ATP11A: variants seen among roughly 807,000 people sequenced by gnomAD.
ATP11A encodes ATPase phospholipid transporting 11A.
Under a neutral mutation model 154.4 loss-of-function variants are expected in ATP11A, and 81 were observed. That is an observed-to-expected ratio of 0.52 (90% CI 0.44 to 0.63). ATP11A has a LOEUF of 0.63. Ranked by LOEUF, ATP11A falls within the 30% of genes least tolerant of loss-of-function variation. The probability of loss-of-function intolerance (pLI) is 0.00; values close to 1 mark genes in which losing one functional copy is unlikely to be tolerated. For synonymous variants in ATP11A, 623 were observed against 585.9 expected (o/e 1.06, Z -0.91); for missense variants, 1,316 against 1,474.3 (o/e 0.89, Z 1.76).
At chr13:112,874,933 G>A (rs907028970) in intron 27 of ATP11A, among the ~76,000 whole-genome samples, 12 of 152,176 alleles carry the variant, frequency 7.9e-5, no homozygotes, top group African/African-American at 2.9e-4. Flanking sequence ...GTCAGCCTTG[G>A]TAGAACCACA....
At chr13:112,823,459 T>C (rs1252821832) in intron 9 of ATP11A, 50 bp downstream of exon 9, 1 of 1,488,234 alleles carries the variant, frequency 6.7e-7, no homozygotes, top group African/African-American at 1.4e-5. Flanking sequence ...TAAGGATGCA[T>C]GAAGCAAAAG....
At chr13:112,749,914 C>T (rs562522712) in intron 1 of ATP11A, among the ~76,000 whole-genome samples, 15 of 126,596 alleles carry the variant, frequency 1.2e-4, no homozygotes, top group Admixed American at 7.0e-4. Context: ...TTCAGCCTCT[C>T]GTGAATTTCT....
intron 1 of ATP11A, among the ~76,000 whole-genome samples, chr13:112,749,081 G>A (rs1161403261): frequency 6.6e-6 from 1 of 152,202 alleles, no homozygotes; most frequent in Non-Finnish European, 1.5e-5. Context: ...GGGGCCCCAG[G>A]GCAGGTGGCT....
At chr13:112,776,986 G>A (rs1045196322) in intron 1 of ATP11A, among the ~76,000 whole-genome samples, 3 of 152,186 alleles carry the variant, frequency 2.0e-5, no homozygotes, top group African/African-American at 7.2e-5. Flanking sequence ...GTGTCGCATC[G>A]TAGATCTTCT....
Position 112,836,201 on chromosome 13 carries a change from G to A in ATP11A, c.1655G>A (p.Ser552Asn), listed in dbSNP as rs776469287. ...IERFELLEIL[S>N]FDSVRRRMSV... Reference sequence around the variant, plus strand: ...AGGTTTGAATTGCTGGAAATTTTGAGTTTTGACTCAGTCAGAAGGAGAATG... The same window carrying A: ...AGGTTTGAATTGCTGGAAATTTTGAATTTTGACTCAGTCAGAAGGAGAATG... The change falls in exon 16 of 30, where the codon AGT becomes AAT. Residue 552 changes from serine (S) to asparagine (N), a missense_variant. Physicochemically the swap from Ser to Asn is conservative, Grantham distance 46. This residue lies in a region of ATP11A where 876 missense variants were observed against 1,006.8 expected (regional missense o/e 0.87). Transcript: ENST00000375645. 2 of 1,612,944 alleles carry A rather than the reference G, an allele frequency of 1.2e-6. No homozygotes were observed. The highest frequency in any genetic ancestry group is 1.7e-6 in the Non-Finnish European group (2 of 1,179,274).
intron 1 of ATP11A, among the ~76,000 whole-genome samples, chr13:112,733,832 A>G (rs1260852678): frequency 6.6e-6 from 1 of 152,196 alleles, no homozygotes; most frequent in Admixed American, 6.5e-5. Flanking sequence ...GACATTGTCC[A>G]AGTCAGTGGA....
intron 17 of ATP11A, among the ~76,000 whole-genome samples, chr13:112,842,726 G>T (rs1055657810): frequency 2.6e-5 from 4 of 152,266 alleles, no homozygotes; most frequent in Admixed American, 2.6e-4. Context: ...AAAAGTCTTT[G>T]TGTTGACGTT....
chr13:112,744,849 C>G (rs1027491288), intron 1 of ATP11A, among the ~76,000 whole-genome samples: 4 of 152,202 alleles, frequency 2.6e-5, no homozygotes, highest in African/African-American at 9.7e-5. Flanking sequence ...TGTGAGCTCT[C>G]CAGCCTCAAT....
chr13:112,878,313 CTCTGCCTTCCACGCACCTGGGATGGTAGA>C lies in ATP11A; in HGVS notation c.*9+11_*9+39del. 11 of 1,613,588 alleles carry C rather than the reference CTCTGCCTTCCACGCACCTGGGATGGTAGA, an allele frequency of 6.8e-6. No homozygotes were observed. The highest frequency in any genetic ancestry group is 9.3e-6 in the Non-Finnish European group (11 of 1,179,828). On this transcript the variant is annotated intron_variant, in intron 29 of 29. Transcript: ENST00000375645. ...TTTCTGATGGAACAAGGTGATGCTC[CTCTGCCTTCCACGCACCTGGGATGGTAGA>C]CACGGGGCAGCAGGGCCATGCCCAT... is the stretch of plus-strand genomic sequence containing the variant.
intron 1 of ATP11A, among the ~76,000 whole-genome samples, chr13:112,742,065 C>T (rs934762296): frequency 4.0e-5 from 6 of 151,738 alleles, no homozygotes; most frequent in Non-Finnish European, 8.8e-5. Context: ...CCCCACAGTG[C>T]GCTTTTCTCA....
At chr13:112,794,779 A>T (rs570803928) in intron 2 of ATP11A, among the ~76,000 whole-genome samples, 1 of 152,260 alleles carries the variant, frequency 6.6e-6, no homozygotes, top group African/African-American at 2.4e-5. Context: ...GAGGCAGGAA[A>T]ATCGCTTGAA....
Position 112,690,571 on chromosome 13 carries a change from T to A in ATP11A, c.39+116T>A, listed in dbSNP as rs998838607. The A allele has an allele frequency of 3.1e-5, 32 of 1,028,782 alleles. No individual in the cohort carries two copies. Among genetic ancestry groups the A allele is most frequent in the Admixed American group, 8.8e-5 (2 of 22,810 alleles). 63.7% of individuals were successfully genotyped at this position (1,028,782 alleles called of 1,614,324 possible). ...GGGGTCCCGGGAGGTCTCCGATGTC[T>A]GGGACTCGGACCGCCCCCGGGGACG... On this transcript the variant is annotated intron_variant, in intron 1 of 29. Coordinates refer to ENST00000375645, the MANE Select transcript of ATP11A (RefSeq NM_015205.3). The surrounding 1 kb of genome is among the most constrained non-coding windows in gnomAD (Gnocchi z 5.6).
At chr13:112,881,786 G>C (rs764612141) in intron 29 of ATP11A, 90 bp from the exon 30 acceptor site, 7 of 1,363,698 alleles carry the variant, frequency 5.1e-6, no homozygotes, top group Non-Finnish European at 6.9e-6. Flanking sequence ...GTATCCCTGA[G>C]ACTGACCATG....
rs1444089118 is a variant in ATP11A at position 112,874,766 on chromosome 13, G to A, written c.3162-1010G>A. Among the ~76,000 whole-genome samples the A allele has an allele frequency of 2.6e-5, 4 of 152,150 alleles. No individual in the cohort carries two copies. The East Asian group carries it at 7.7e-4, about 29-fold the overall frequency. ...TTGGAGGGTGTCAGGCACCCTGTCAGCCCCAGAGAAACCTGCTTAGCTCTA... is the reference window on the plus strand; with the variant it reads ...TTGGAGGGTGTCAGGCACCCTGTCAACCCCAGAGAAACCTGCTTAGCTCTA... On this transcript the variant is annotated intron_variant, in intron 27 of 29. Transcript: ENST00000375645.
chr13:112,765,681 C>T (rs142484924), intron 1 of ATP11A, among the ~76,000 whole-genome samples: 23 of 152,348 alleles, frequency 1.5e-4, no homozygotes, highest in Admixed American at 1.2e-3. Context: ...AAACTAGATT[C>T]ACTTTGAACA....
intron 1 of ATP11A, among the ~76,000 whole-genome samples, chr13:112,698,679 C>T (rs1345094805): frequency 2.0e-5 from 3 of 152,146 alleles, no homozygotes; most frequent in African/African-American, 2.4e-5. Context: ...GCAGATTAAT[C>T]ATTAGTTGCC....
At chr13:112,844,606 C>T (rs968801379) in intron 17 of ATP11A, among the ~76,000 whole-genome samples, 5 of 152,342 alleles carry the variant, frequency 3.3e-5, no homozygotes, top group Admixed American at 2.6e-4. Flanking sequence ...TTGTATCCGG[C>T]GTCTTTCACT....
At chr13:112,783,356 C>A (rs1006267409) in intron 1 of ATP11A, among the ~76,000 whole-genome samples, 5 of 152,228 alleles carry the variant, frequency 3.3e-5, no homozygotes, top group African/African-American at 1.2e-4. Context: ...GAGGACTTGG[C>A]CCTGAGCATT....
chr13:112,790,638 C>T (rs534081524), intron 2 of ATP11A, among the ~76,000 whole-genome samples: 15 of 151,978 alleles, frequency 9.9e-5, no homozygotes, highest in South Asian at 4.2e-4. Flanking sequence ...TAATCCACAC[C>T]GGGTGTCCTG....
Sources: allele counts gnomAD v4.1 joint callset (sites outside exome capture counted in the v4.1 genomes callset), GRCh38; gene constraint gnomAD v4.1.1; regional missense constraint gnomAD v4.1.1; non-coding constraint Gnocchi (gnomAD v3.1); transcripts MANE v1.5; gene names NCBI Gene and HGNC (gene_info 2026-07-23, HGNC 2026-07-21).